The following ZC3H3 variants were observed in gnomAD, a reference collection of about 807,000 sequenced individuals.
The protein encoded by ZC3H3 is zinc finger CCCH domain-containing protein 3.
A neutral mutation model predicts 77.3 loss-of-function variants in ZC3H3; 36 were observed. That is an observed-to-expected ratio of 0.47 (90% CI 0.36 to 0.61). The LOEUF (loss-of-function observed/expected upper bound fraction) is 0.61. ZC3H3 is among the 20% of genes least tolerant of loss of function. The pLI is 0.00. For missense variants in ZC3H3, 1,331 were observed against 1,312.2 expected, an observed-to-expected ratio of 1.01 and a Z score of -0.22; for synonymous variants, 626 against 555.2, an observed-to-expected ratio of 1.13 and a Z score of -1.79.
Position 143,462,707 on chromosome 8 carries a change from G to A in ZC3H3, c.2307+3010C>T, listed in dbSNP as rs141179846. On this transcript the variant is annotated intron_variant, in intron 9 of 11. Coordinates refer to ENST00000262577, the MANE Select transcript of ZC3H3 (RefSeq NM_015117.3). The surrounding 1 kb of genome is among the most constrained non-coding windows in gnomAD (Gnocchi z 4.7). Reference sequence around the variant, plus strand: ...GGTGTGGGGAAAACGGCAGCGCGGAGGCTCACGGAGCAGGCACTGCAGATG... The same window carrying A: ...GGTGTGGGGAAAACGGCAGCGCGGAAGCTCACGGAGCAGGCACTGCAGATG... Among the ~76,000 whole-genome samples the A allele has an allele frequency of 7.0e-3, 1,060 of 152,342 alleles. 6 individuals carry two copies. The highest frequency in any genetic ancestry group is 0.011 in the Non-Finnish European group (773 of 68,028).
intron 3 of ZC3H3, among the ~76,000 whole-genome samples, chr8:143,535,163 C>T (rs1822754061): frequency 1.3e-5 from 2 of 152,116 alleles, no homozygotes; most frequent in Admixed American, 6.5e-5. Context: ...CTCAGCCTCC[C>T]GAGTAGCTGG....
chr8:143,508,022 G>A (rs557422471), intron 3 of ZC3H3, 123 bp from the exon 4 acceptor site: 20 of 1,173,860 alleles, frequency 1.7e-5, no homozygotes, highest in African/African-American at 1.6e-4. Context: ...ACCCTCCATC[G>A]CCCCGTGGAT....
intron 3 of ZC3H3, chr8:143,523,431 G>A: frequency 1.0e-6 from 1 of 985,444 alleles, no homozygotes; most frequent in Non-Finnish European, 1.2e-6. Flanking sequence ...TCTGGAAGGT[G>A]ATCTCAGGGA....
chr8:143,441,360 T>C (rs1293655207), intron 9 of ZC3H3, among the ~76,000 whole-genome samples: 12 of 152,148 alleles, frequency 7.9e-5, no homozygotes, highest in Non-Finnish European at 1.8e-4. Flanking sequence ...GGGCACAGAC[T>C]GAGAGCAGGG....
chr8:143,454,648 T>G (rs895358554), intron 9 of ZC3H3, among the ~76,000 whole-genome samples: 1 of 151,980 alleles, frequency 6.6e-6, no homozygotes, highest in East Asian at 1.9e-4. Context: ...CTTGACCTCA[T>G]GATCCACCTG....
intron 3 of ZC3H3, among the ~76,000 whole-genome samples, chr8:143,532,226 C>T (rs60183493): frequency 8.7e-5 from 9 of 103,954 alleles, no homozygotes; most frequent in East Asian, 7.2e-4. Context: ...AAGGAAATTA[C>T]GCGATTACCA....
chr8:143,471,525 C>T (rs1004946823), intron 5 of ZC3H3, among the ~76,000 whole-genome samples: 4 of 151,946 alleles, frequency 2.6e-5, no homozygotes, highest in African/African-American at 9.7e-5. Context: ...AGACTGGGGC[C>T]TCTGCCCCAC....
intron 4 of ZC3H3, among the ~76,000 whole-genome samples, chr8:143,479,407 G>A (rs114416429): frequency 0.014 from 2,180 of 152,288 alleles, 60 homozygotes; most frequent in African/African-American, 0.048. Flanking sequence ...CCAAGGACCC[G>A]GAGCGCGCGT....
intron 3 of ZC3H3, among the ~76,000 whole-genome samples, chr8:143,513,723 C>G (rs553469214): frequency 2.6e-5 from 4 of 152,334 alleles, no homozygotes; most frequent in African/African-American, 9.6e-5. Flanking sequence ...GCAGCTCAGG[C>G]AACAGCTCTC....
In ZC3H3 at chr8:143,534,873, T is replaced by A. The variant is rs114078909; in HGVS notation, c.1561+1384A>T. ...AGCCGACCAGCGCCCCCAGCCCCAC[T>A]TCCTCCCACCCCACTGTGCTGCAAC... On this transcript the variant is annotated intron_variant, in intron 3 of 11. Transcript: ENST00000262577. Among the ~76,000 whole-genome samples the A allele has an allele frequency of 8.1e-3, 1,230 of 151,080 alleles. 8 individuals carry two copies. The highest frequency in any genetic ancestry group is 0.028 in the African/African-American group (1,167 of 41,208).
chr8:143,505,701 T>C (rs964755785), intron 4 of ZC3H3, among the ~76,000 whole-genome samples: 1 of 152,162 alleles, frequency 6.6e-6, no homozygotes, highest in Admixed American at 6.5e-5. Flanking sequence ...CTCAGCCACA[T>C]GTGCATCCTG....
Position 143,484,608 on chromosome 8 carries a change from G to A in ZC3H3, c.1716-9023C>T, listed in dbSNP as rs563394793. On this transcript the variant is annotated intron_variant, in intron 4 of 11. Coordinates refer to ENST00000262577, the MANE Select transcript of ZC3H3 (RefSeq NM_015117.3). The stretch of plus-strand genomic sequence containing the variant: ...TGGGACTTCATGGCCCCGGAGTGCC[G>A]AGTTCAGCTCGTCCGGCAGAGGTGC... The A allele has an allele frequency of 2.2e-4, 35 of 162,566 alleles. 1 individual carries two copies. The South Asian group carries it at 2.8e-3, about 13-fold the overall frequency. The allele number at this position is 162,566 out of a possible 1,614,324, so 10.1% of individuals were successfully genotyped here.
intron 3 of ZC3H3, among the ~76,000 whole-genome samples, chr8:143,525,486 C>T (rs572550377): frequency 8.5e-5 from 13 of 152,348 alleles, no homozygotes; most frequent in Middle Eastern, 3.4e-3. Context: ...CAGAGCCACC[C>T]AAGGGACCCC....
At chr8:143,443,607 T>A (rs563869551) in intron 9 of ZC3H3, among the ~76,000 whole-genome samples, 1 of 151,988 alleles carries the variant, frequency 6.6e-6, no homozygotes, top group African/African-American at 2.4e-5. Context: ...GAACAGCAAA[T>A]GAACTCAAAG....
intron 9 of ZC3H3, among the ~76,000 whole-genome samples, chr8:143,457,837 A>AG (rs1462546854): frequency 2.6e-5 from 4 of 152,212 alleles, no homozygotes; most frequent in African/African-American, 9.6e-5. Context: ...ACTGCACTCC[A>AG]GCCTGGGTGA....
At chr8:143,529,569 G>T (rs886064784) in intron 3 of ZC3H3, among the ~76,000 whole-genome samples, 1 of 152,208 alleles carries the variant, frequency 6.6e-6, no homozygotes, top group African/African-American at 2.4e-5. Context: ...AAGTCAGGAG[G>T]CAGCGTTCCA....
chr8:143,495,190 A>G (rs970876006), intron 4 of ZC3H3, among the ~76,000 whole-genome samples: 1 of 152,236 alleles, frequency 6.6e-6, no homozygotes, highest in African/African-American at 2.4e-5. Flanking sequence ...TAAAATTAAT[A>G]AAGTGCGGAA....
intron 4 of ZC3H3, among the ~76,000 whole-genome samples, chr8:143,495,197 G>A (rs982597567): frequency 3.3e-5 from 5 of 152,186 alleles, no homozygotes; most frequent in Admixed American, 1.3e-4. Context: ...AATAAAGTGC[G>A]GAACAAGAAA....
rs896464315 is a variant in ZC3H3 at position 143,506,815 on chromosome 8, G to A, written c.1715+931C>T. On this transcript the variant is annotated intron_variant, in intron 4 of 11. Coordinates refer to ENST00000262577, the MANE Select transcript of ZC3H3 (RefSeq NM_015117.3). ...GGTAGGGCTGTCCATACTGGTGGGT[G>A]GATCCCCTGGGGTTAGCCTCAGGCC... 3.3e-5 allele frequency among the ~76,000 whole-genome samples: 5 copies of A among 152,160 alleles called. No individual in the cohort carries two copies. The East Asian group carries it at 7.7e-4, about 23-fold the overall frequency.
Sources: gnomAD v4.1 joint callset for allele counts (sites outside exome capture counted in the v4.1 genomes callset) on GRCh38, gnomAD v4.1.1 for gene constraint, Gnocchi (gnomAD v3.1) non-coding constraint, MANE v1.5 for transcripts, NCBI Gene and HGNC (gene_info 2026-07-23, HGNC 2026-07-21) for gene names.